GORASP1: variants seen among roughly 807,000 people sequenced by gnomAD.
GORASP1 encodes the protein golgi reassembly stacking protein 1.
A neutral mutation model predicts 37.7 loss-of-function variants in GORASP1; 31 were observed. That is an observed-to-expected ratio of 0.82 (90% confidence interval 0.62 to 1.11). GORASP1 has a LOEUF of 1.11. Ranked by LOEUF, GORASP1 falls within the 50% of genes least tolerant of loss-of-function variation. The probability of loss-of-function intolerance (pLI) is 0.00; values close to 1 mark genes in which losing one functional copy is unlikely to be tolerated. For missense variants in GORASP1, 476 were observed against 560.7 expected, an observed-to-expected ratio of 0.85 and a Z score of 1.53; for synonymous variants, 204 against 224.8, an observed-to-expected ratio of 0.91 and a Z score of 0.83.
intron 1 of GORASP1, chr3:39,106,851 C>T (rs2036167519): frequency 3.6e-6 from 1 of 279,774 alleles, no homozygotes; most frequent in Non-Finnish European, 7.4e-6. Flanking sequence ...CTCCATGTAG[C>T]GGCATCTAAA....
At chr3:39,099,211 A>T in intron 7 of GORASP1, 142 bp downstream of exon 7, 1 of 986,282 alleles carries the variant, frequency 1.0e-6, no homozygotes, top group Non-Finnish European at 1.6e-6. Flanking sequence ...TCTGTATACT[A>T]GATTGGATGA....
In GORASP1 at chr3:39,105,193, G is replaced by A. The variant is rs114471971; in HGVS notation, c.64-1640C>T. On this transcript the variant is annotated intron_variant, in intron 1 of 8. Transcript: ENST00000319283. This position sits in a 1 kb window ranked among gnomAD's most constrained non-coding sequence, Gnocchi z 5.4. The stretch of plus-strand genomic sequence containing the variant: ...TGGGGCCTCATCACTACTCACTATG[G>A]CTCCGCAGCTGAAATAATCTATGCT... Among the ~76,000 whole-genome samples the A allele has an allele frequency of 0.014, 2,181 of 151,948 alleles. 19 individuals are homozygous for A. The highest frequency in any genetic ancestry group is 0.018 in the Non-Finnish European group (1,246 of 67,974).
chr3:39,097,947 C>G lies in GORASP1; in HGVS notation c.*289G>C, dbSNP rs1250573271. On this transcript the variant is annotated 3_prime_UTR_variant, in exon 9 of 9. Coordinates refer to ENST00000319283, the MANE Select transcript of GORASP1 (RefSeq NM_031899.4). ...AAGAATCAAAGCGACCAGGCCAACA[C>G]TGGACAGCAACCCCTTCCTTCCTCA... 1.8e-5 allele frequency: 8 copies of G among 448,936 alleles called. No individual in the cohort carries two copies. The highest frequency in any genetic ancestry group is 2.8e-5 in the Non-Finnish European group (7 of 246,224). The allele number at this position is 448,936 out of a possible 1,614,324, so 27.8% of individuals were successfully genotyped here. A position where few individuals can be genotyped will look rare whatever the true frequency, so the allele number is the denominator to read the frequency against.
rs185751803 is a variant in GORASP1 at position 39,104,813 on chromosome 3, G to A, written c.64-1260C>T. Among the ~76,000 whole-genome samples, 8 of 152,342 alleles carry A rather than the reference G, an allele frequency of 5.3e-5. No individual in the cohort carries two copies. The East Asian group carries it at 1.2e-3, about 22-fold the overall frequency. ...GGCCCAGAAATCAGATCTGGGCCTA[G>A]TTGGCCTGGCCCAGTAGGCAAGCTG... On this transcript the variant is annotated intron_variant, in intron 1 of 8. Transcript: ENST00000319283.
At chr3:39,099,130 T>A (rs1182947328) in intron 7 of GORASP1, 3 of 777,950 alleles carry the variant, frequency 3.9e-6, no homozygotes, top group Non-Finnish European at 6.7e-6. Flanking sequence ...AGGCATAGAC[T>A]CTGCTCTGTG....
chr3:39,102,342 C>CA lies in GORASP1; in HGVS notation c.348+335dup, dbSNP rs1457451872. On this transcript the variant is annotated intron_variant, in intron 3 of 8. Transcript: ENST00000319283. This position sits in a 1 kb window ranked among gnomAD's most constrained non-coding sequence, Gnocchi z 5.0. ...CATGCAACACACACACGGAGAGACACAGAGAATAATAAAAGCAGCAGCATT... is the reference window on the plus strand; with the variant it reads ...CATGCAACACACACACGGAGAGACACAAGAGAATAATAAAAGCAGCAGCATT... 9 of 440,938 alleles carry CA rather than the reference C, an allele frequency of 2.0e-5. No homozygotes were observed. Among genetic ancestry groups the CA allele is most frequent in the Non-Finnish European group, 2.9e-5 (7 of 238,298 alleles). 27.3% of individuals were successfully genotyped at this position (440,938 alleles called of 1,614,324 possible).
chr3:39,103,718 T>A lies in GORASP1; in HGVS notation c.64-165A>T. Reference sequence around the variant, plus strand: ...CAGGGTTCACTCCATGGCCTCTTGCTACCTTCCTGGGCACAAATTTTCCTC... The same window carrying A: ...CAGGGTTCACTCCATGGCCTCTTGCAACCTTCCTGGGCACAAATTTTCCTC... On this transcript the variant is annotated intron_variant, in intron 1 of 8. Coordinates refer to ENST00000319283, the MANE Select transcript of GORASP1 (RefSeq NM_031899.4). The surrounding 1 kb of genome is among the most constrained non-coding windows in gnomAD (Gnocchi z 5.2). 1 of 499,576 alleles carries A rather than the reference T, an allele frequency of 2.0e-6. No homozygotes were observed. The highest frequency in any genetic ancestry group is 3.5e-6 in the Non-Finnish European group (1 of 284,816). The allele number at this position is 499,576 out of a possible 1,614,324, so 30.9% of individuals were successfully genotyped here.
In GORASP1 at chr3:39,100,848, A is replaced by G. The variant is rs1333671491; in HGVS notation, c.465T>C (p.Ser155=). 1 of 1,614,038 alleles carries G rather than the reference A, an allele frequency of 6.2e-7. No homozygotes were observed. Among genetic ancestry groups the G allele is most frequent in the Non-Finnish European group, 8.5e-7 (1 of 1,180,000 alleles). Residue 155 remains serine (S), a synonymous_variant, in exon 5 of 9, where the codon TCT becomes TCC. Coordinates refer to ENST00000319283, the MANE Select transcript of GORASP1 (RefSeq NM_031899.4). The surrounding 1 kb of genome is among the most constrained non-coding windows in gnomAD (Gnocchi z 4.6). Reference sequence around the variant, plus strand: ...TCAGCTTCAAGGGCTTCCCCTCATGAGACTCGATGAGCGTAAAGAAGTCCT... The same window carrying G: ...TCAGCTTCAAGGGCTTCCCCTCATGGGACTCGATGAGCGTAAAGAAGTCCT... The part of the protein sequence containing the change: ...ESEDFFTLIE[S]HEGKPLKLMV...
rs748579441 is a variant in GORASP1, at chr3:39,099,367, C to T, written c.902G>A (p.Arg301Gln). 34 of 1,613,060 alleles carry T rather than the reference C, an allele frequency of 2.1e-5. No individual in the cohort carries two copies. Among genetic ancestry groups the T allele is most frequent in the African/African-American group, 1.7e-4 (13 of 74,838 alleles). ...CTGCCCAGTACCTGGGTCCATAACT[C>T]GCTGCACTGGAGGTGGGGGCTGAAG... ...TPLQPPPPVQ[R>Q]VMDPGFLDVS... is the part of the protein sequence containing the mutation. Residue 301 changes from arginine (R) to glutamine (Q), a missense_variant, in exon 7 of 9, where the codon CGA (arginine) becomes CAA (glutamine). Coordinates refer to ENST00000319283, the MANE Select transcript of GORASP1 (RefSeq NM_031899.4).
intron 7 of GORASP1, chr3:39,099,123 C>T: frequency 1.3e-6 from 1 of 773,186 alleles, no homozygotes; most frequent in Non-Finnish European, 2.2e-6. Flanking sequence ...TGGCAGTAGG[C>T]ATAGACTCTG....
intron 3 of GORASP1, among the ~76,000 whole-genome samples, chr3:39,101,781 A>G (rs1332437637): frequency 2.0e-5 from 3 of 152,186 alleles, no homozygotes; most frequent in Admixed American, 1.3e-4. Context: ...TCAGTGAGAA[A>G]AATAAGTGGC....
At position 39,100,042 on chromosome 3, in the gene GORASP1, C is replaced by G. The variant is rs138230642; in HGVS notation, c.765+263G>C. 2.6e-4 allele frequency among the ~76,000 whole-genome samples: 39 copies of G among 152,352 alleles called. No individual in the cohort carries two copies. In the East Asian group the frequency reaches 6.9e-3, roughly 27 times the overall value. ...CCACAACTCACAGGCACAGCAAGCA[C>G]CCATCTCTGAGCCTCAGTTTCCCAC... is the stretch of plus-strand genomic sequence containing the variant. On this transcript the variant is annotated intron_variant, in intron 6 of 8. Coordinates refer to ENST00000319283, the MANE Select transcript of GORASP1 (RefSeq NM_031899.4). The surrounding 1 kb of genome is among the most constrained non-coding windows in gnomAD (Gnocchi z 4.6).
Position 39,098,539 on chromosome 3 carries a change from TGGTGTTAGGGCCA to T in GORASP1, c.1070-63_1070-51del. On this transcript the variant is annotated intron_variant, in intron 8 of 8. Coordinates refer to ENST00000319283, the MANE Select transcript of GORASP1 (RefSeq NM_031899.4). This position sits in a 1 kb window ranked among gnomAD's most constrained non-coding sequence, Gnocchi z 4.7. Reference sequence around the variant, plus strand: ...GGAGGTCTGCAAGAACCTAGGGCCATGGTGTTAGGGCCAGTAACCCCACCGACCGCTCCCCATT... The same window carrying T: ...GGAGGTCTGCAAGAACCTAGGGCCATGTAACCCCACCGACCGCTCCCCATT... 1 of 1,576,082 alleles carries T rather than the reference TGGTGTTAGGGCCA, an allele frequency of 6.3e-7. No homozygotes were observed. Among genetic ancestry groups the T allele is most frequent in the South Asian group, 1.2e-5 (1 of 84,120 alleles).
Position 39,102,841 on chromosome 3 carries a change from T to C in GORASP1, c.185A>G (p.Asn62Ser), listed in dbSNP as rs1476400660. The C allele has an allele frequency of 5.0e-6, 8 of 1,614,070 alleles. No individual in the cohort carries two copies. The highest frequency in any genetic ancestry group is 1.1e-5 in the South Asian group (1 of 91,084). ...NDTLKALLKA[N>S]VEKPVKLEVF... Reference sequence around the variant, plus strand: ...CTCCAGCTTCACGGGCTTCTCCACATTGGCTTTCAGTAGTGCCTTCAGGGT... The same window carrying C: ...CTCCAGCTTCACGGGCTTCTCCACACTGGCTTTCAGTAGTGCCTTCAGGGT... Residue 62 changes from asparagine (N) to serine (S), a missense_variant, in exon 3 of 9, where the codon AAT becomes AGT. By Grantham distance (46) the Asn-to-Ser change is conservative (BLOSUM62 1). Transcript: ENST00000319283. This position sits in a 1 kb window ranked among gnomAD's most constrained non-coding sequence, Gnocchi z 5.0.
At chr3:39,104,730 A>G (rs1389388555) in intron 1 of GORASP1, among the ~76,000 whole-genome samples, 4 of 152,118 alleles carry the variant, frequency 2.6e-5, no homozygotes, top group African/African-American at 9.7e-5. Context: ...AGCATCACCA[A>G]CTGAGCCCCT....
In GORASP1 at chr3:39,102,519, T is replaced by G. The variant is rs2035786454; in HGVS notation, c.348+159A>C. On this transcript the variant is annotated intron_variant, in intron 3 of 8. Coordinates refer to ENST00000319283, the MANE Select transcript of GORASP1 (RefSeq NM_031899.4). This position sits in a 1 kb window ranked among gnomAD's most constrained non-coding sequence, Gnocchi z 5.0. ...TAATGAGCTGCCCTCTCTGGGACAC[T>G]GGAATGAGACCACATCCTGCCCTCA... 1.4e-6 allele frequency: 1 copy of G among 703,838 alleles called. No individual in the cohort carries two copies. Among genetic ancestry groups the G allele is most frequent in the Admixed American group, 2.2e-5 (1 of 45,714 alleles). The allele number at this position is 703,838 out of a possible 1,614,324, so 43.6% of individuals were successfully genotyped here.
At position 39,103,684 on chromosome 3, in the gene GORASP1, G is replaced by A. The variant is rs1036673654; in HGVS notation, c.64-131C>T. 1.1e-5 allele frequency: 7 copies of A among 626,984 alleles called. No homozygotes were observed. Among genetic ancestry groups the A allele is most frequent in the African/African-American group, 3.7e-5 (2 of 53,932 alleles). The allele number at this position is 626,984 out of a possible 1,614,324, so 38.8% of individuals were successfully genotyped here. A position where few individuals can be genotyped will look rare whatever the true frequency, so the allele number is the denominator to read the frequency against. On this transcript the variant is annotated intron_variant, in intron 1 of 8. Transcript: ENST00000319283. The surrounding 1 kb of genome is among the most constrained non-coding windows in gnomAD (Gnocchi z 5.2). ...ACACATGTCTGGCATGAACTGTTCC[G>A]GACATTCTCAGGGTTCACTCCATGG...
At position 39,098,582 on chromosome 3, in the gene GORASP1, C is replaced by A; in HGVS notation, c.1070-93G>T. On this transcript the variant is annotated intron_variant, in intron 8 of 8. Coordinates refer to ENST00000319283, the MANE Select transcript of GORASP1 (RefSeq NM_031899.4). The surrounding 1 kb of genome is among the most constrained non-coding windows in gnomAD (Gnocchi z 4.7). Reference sequence around the variant, plus strand: ...CCCCACCGACCGCTCCCCATTGCCACTCCAGGTTTGATGGGGGATTGGAGA... The same window carrying A: ...CCCCACCGACCGCTCCCCATTGCCAATCCAGGTTTGATGGGGGATTGGAGA... 1 of 1,524,260 alleles carries A rather than the reference C, an allele frequency of 6.6e-7. No homozygotes were observed. Among genetic ancestry groups the A allele is most frequent in the Non-Finnish European group, 8.9e-7 (1 of 1,129,710 alleles). The allele number at this position is 1,524,260 out of a possible 1,614,324, so 94.4% of individuals were successfully genotyped here. A position where few individuals can be genotyped will look rare whatever the true frequency, so the allele number is the denominator to read the frequency against.
rs1444993416 is a variant in GORASP1, at chr3:39,103,531, T to G, written c.86A>C (p.Gln29Pro). 3 of 1,613,474 alleles carry G rather than the reference T, an allele frequency of 1.9e-6. No homozygotes were observed. Among genetic ancestry groups the G allele is most frequent in the Non-Finnish European group, 2.5e-6 (3 of 1,179,854 alleles). The change falls in exon 2 of 9, where the codon CAG becomes CCG. Residue 29 changes from glutamine to proline, a missense_variant. Gln to Pro is a moderately conservative substitution (Grantham distance 76, BLOSUM62 -1). Coordinates refer to ENST00000319283, the MANE Select transcript of GORASP1 (RefSeq NM_031899.4). This position sits in a 1 kb window ranked among gnomAD's most constrained non-coding sequence, Gnocchi z 5.2. Reference protein sequence around the residue: ...LHGVQENSPAQQAGLEPYFDF... With the variant: ...LHGVQENSPAPQAGLEPYFDF... Reference sequence around the variant, plus strand: ...AAAGTAGGGCTCCAGGCCCGCCTGCTGGGCTGGGGAGTTCTCCTGCACCTA... The same window carrying G: ...AAAGTAGGGCTCCAGGCCCGCCTGCGGGGCTGGGGAGTTCTCCTGCACCTA...
Sources: allele counts gnomAD v4.1 joint callset (sites outside exome capture counted in the v4.1 genomes callset), GRCh38; gene constraint gnomAD v4.1.1; non-coding constraint Gnocchi (gnomAD v3.1); transcripts MANE v1.5; gene names NCBI Gene and HGNC (gene_info 2026-07-23, HGNC 2026-07-21).